Variants in SGCD observed in about 807,000 individuals in gnomAD.
SGCD encodes the protein delta-sarcoglycan.
Under a neutral mutation model 36.6 loss-of-function variants are expected in SGCD, and 18 were observed. The observed-to-expected ratio is 0.49, with a 90% CI of 0.34 to 0.73. The LOEUF (loss-of-function observed/expected upper bound fraction) is 0.73, where lower values mean the gene tolerates loss of function less well. SGCD is among the 30% of genes least tolerant of loss of function. The pLI is 0.01. For missense variants in SGCD, 387 were observed against 346.7 expected (o/e 1.12, Z -0.92); for synonymous variants, 133 against 130.6 (o/e 1.02, Z -0.12).
intron 7 of SGCD, chr5:156,739,539 CAAG>C (rs1756557278): frequency 6.6e-6 from 1 of 152,020 alleles, no homozygotes; most frequent in Non-Finnish European, 1.5e-5. Context: ...GTAGGATGAC[CAAG>C]AAGATCACTC....
chr5:156,219,104 G>A (rs761262851), intron 3 of SGCD, among the ~76,000 whole-genome samples: 2 of 152,008 alleles, frequency 1.3e-5, no homozygotes, highest in South Asian at 2.1e-4. Context: ...TTTTTGTACC[G>A]CTACTCAGTT....
chr5:156,445,641 AG>A (rs1225067155), intron 3 of SGCD, among the ~76,000 whole-genome samples: 1 of 152,132 alleles, frequency 6.6e-6, no homozygotes, highest in Non-Finnish European at 1.5e-5. Flanking sequence ...CTGTGACCTT[AG>A]GAAAGTCACT....
intron 4 of SGCD, among the ~76,000 whole-genome samples, chr5:156,542,366 C>T (rs1758382700): frequency 6.6e-6 from 1 of 152,142 alleles, no homozygotes; most frequent in Non-Finnish European, 1.5e-5. Context: ...AACTGTTGTG[C>T]CCTTCAAGGT....
At chr5:156,282,778 C>T (rs1035860230) in intron 3 of SGCD, among the ~76,000 whole-genome samples, 2 of 151,980 alleles carry the variant, frequency 1.3e-5, no homozygotes, top group African/African-American at 2.4e-5. Context: ...TGCAGCCTTG[C>T]CATTACTTTC....
chr5:155,923,268 A>G (rs1756926380), intron 1 of SGCD, among the ~76,000 whole-genome samples: 1 of 152,234 alleles, frequency 6.6e-6, no homozygotes, highest in Non-Finnish European at 1.5e-5. Context: ...TACCAAAAAG[A>G]CATATATTGG....
intron 3 of SGCD, among the ~76,000 whole-genome samples, chr5:156,259,758 G>C (rs953976585): frequency 2.0e-5 from 3 of 152,028 alleles, no homozygotes; most frequent in African/African-American, 7.2e-5. Flanking sequence ...ATTAGATAAG[G>C]TCGTCAGGGT....
At chr5:156,364,079 A>G (rs535534319) in intron 3 of SGCD, among the ~76,000 whole-genome samples, 1 of 152,318 alleles carries the variant, frequency 6.6e-6, no homozygotes, top group South Asian at 2.1e-4. Context: ...CAGAGTGAAA[A>G]TGAGTCATTG....
At chr5:156,258,060 G>A (rs1422309799) in intron 3 of SGCD, among the ~76,000 whole-genome samples, 1 of 151,974 alleles carries the variant, frequency 6.6e-6, no homozygotes. Flanking sequence ...CTGTTATTCA[G>A]TCTTACATAT....
chr5:156,392,231 G>A (rs1334443332), intron 3 of SGCD, among the ~76,000 whole-genome samples: 1 of 152,128 alleles, frequency 6.6e-6, no homozygotes, highest in African/African-American at 2.4e-5. Context: ...CATTTTTTGA[G>A]GTCCAGACAT....
chr5:156,072,176 A>G (rs1276211497), intron 1 of SGCD, among the ~76,000 whole-genome samples: 1 of 134,216 alleles, frequency 7.5e-6, no homozygotes. Flanking sequence ...TGTCATTATG[A>G]TATTAGCTGG....
At chr5:156,135,397 G>A (rs1182552302) in intron 3 of SGCD, among the ~76,000 whole-genome samples, 3 of 152,056 alleles carry the variant, frequency 2.0e-5, no homozygotes, top group Non-Finnish European at 2.9e-5. Flanking sequence ...CTAGGCCAGG[G>A]ATATAAGACA....
intron 3 of SGCD, among the ~76,000 whole-genome samples, chr5:156,379,494 A>G (rs1770864569): frequency 6.6e-6 from 1 of 152,216 alleles, no homozygotes. Flanking sequence ...CACTATGATG[A>G]CAGGATAGAG....
intron 2 of SGCD, among the ~76,000 whole-genome samples, chr5:156,335,699 G>A (rs1023652551): frequency 2.0e-5 from 3 of 152,082 alleles, no homozygotes; most frequent in Admixed American, 6.5e-5. Context: ...GCTGTTCCCT[G>A]TGGGGTACCC....
chr5:156,735,316 TCCAAAGC>T (rs1756294688), intron 7 of SGCD, among the ~76,000 whole-genome samples: 1 of 152,098 alleles, frequency 6.6e-6, no homozygotes, highest in African/African-American at 2.4e-5. Context: ...GCTTGGACTC[TCCAAAGC>T]CCAAAGGCTG....
intron 3 of SGCD, among the ~76,000 whole-genome samples, chr5:156,259,279 G>A (rs1356298088): frequency 3.3e-5 from 5 of 151,778 alleles, no homozygotes; most frequent in Non-Finnish European, 7.4e-5. Context: ...TGATTTGTGT[G>A]CTCAAGTTTG....
chr5:155,905,703 G>T (rs1208721436), intron 1 of SGCD, among the ~76,000 whole-genome samples: 2 of 152,038 alleles, frequency 1.3e-5, no homozygotes, highest in African/African-American at 4.8e-5. Flanking sequence ...TGAATCATGG[G>T]GACCAGTCTT....
intron 1 of SGCD, among the ~76,000 whole-genome samples, chr5:155,924,882 G>A (rs536690501): frequency 4.6e-5 from 7 of 152,236 alleles, no homozygotes; most frequent in African/African-American, 7.2e-5. Context: ...CATGTATACC[G>A]TCCTATGCAT....
intron 4 of SGCD, among the ~76,000 whole-genome samples, chr5:156,515,291 C>T (rs914500921): frequency 5.9e-5 from 9 of 152,212 alleles, no homozygotes; most frequent in East Asian, 1.9e-4. Flanking sequence ...TCAGTAATGA[C>T]GTTTTCACTC....
In SGCD at chr5:156,764,284, C is replaced by T. The variant is rs899659028; in HGVS notation, c.*4894C>T. 8 of 152,604 alleles carry T rather than the reference C, an allele frequency of 5.2e-5. No homozygotes were observed. The highest frequency in any genetic ancestry group is 1.7e-4 in the African/African-American group (7 of 41,438). 9.5% of individuals were successfully genotyped at this position (152,604 alleles called of 1,614,324 possible). ...ATTTCCATTAAAATAGTCAAAGCCA[C>T]GGCATTGGGATGTCAGATGCCTCTC... On this transcript the variant is annotated 3_prime_UTR_variant, in exon 9 of 9. Coordinates refer to ENST00000337851, the MANE Select transcript of SGCD (RefSeq NM_000337.6).
Sources: allele counts gnomAD v4.1 joint callset (sites outside exome capture counted in the v4.1 genomes callset), GRCh38; gene constraint gnomAD v4.1.1; transcripts MANE v1.5; gene names NCBI Gene and HGNC (gene_info 2026-07-23, HGNC 2026-07-21).